FRMD4B: variants seen among roughly 807,000 people sequenced by gnomAD.
FRMD4B encodes the protein FERM domain containing 4B.
In FRMD4B, 74 loss-of-function variants were observed where a neutral mutation model predicts 141.5. That is an observed-to-expected ratio of 0.52 (90% CI 0.43 to 0.63). The LOEUF (loss-of-function observed/expected upper bound fraction) is 0.63. FRMD4B is among the 30% of genes least tolerant of loss of function. The pLI, the probability that FRMD4B is intolerant of heterozygous loss-of-function variation, is 0.00. For missense variants in FRMD4B, 1,366 were observed against 1,253.4 expected, an observed-to-expected ratio of 1.09 and a Z score of -1.36; for synonymous variants, 506 against 467.9, an observed-to-expected ratio of 1.08 and a Z score of -1.05.
intron 1 of FRMD4B, among the ~76,000 whole-genome samples, chr3:69,441,298 G>A (rs1705337514): frequency 6.6e-6 from 1 of 152,110 alleles, no homozygotes; most frequent in Non-Finnish European, 1.5e-5. Flanking sequence ...CAGTGAGAGT[G>A]GAGTGGTTTT....
intron 9 of FRMD4B, among the ~76,000 whole-genome samples, chr3:69,218,729 T>A (rs982916508): frequency 1.3e-5 from 2 of 152,220 alleles, no homozygotes; most frequent in African/African-American, 4.8e-5. Flanking sequence ...AACTTTTGGG[T>A]CATACTCATA....
chr3:69,295,650 C>A (rs1451775479), intron 4 of FRMD4B, among the ~76,000 whole-genome samples: 1 of 151,902 alleles, frequency 6.6e-6, no homozygotes, highest in Non-Finnish European at 1.5e-5. Flanking sequence ...TAAGTGGAGA[C>A]CAGGGATGCT....
intron 11 of FRMD4B, among the ~76,000 whole-genome samples, chr3:69,215,784 C>T (rs1052033497): frequency 6.6e-6 from 1 of 152,152 alleles, no homozygotes; most frequent in Admixed American, 6.5e-5. Context: ...CCATCCAATT[C>T]AAATATGTAT....
intron 11 of FRMD4B, among the ~76,000 whole-genome samples, chr3:69,199,684 T>C (rs1008132618): frequency 6.6e-6 from 1 of 152,182 alleles, no homozygotes. Context: ...TTTTTGAACA[T>C]AGCTAGCTCC....
chr3:69,180,961 A>C lies in FRMD4B; in HGVS notation c.2789T>G (p.Leu930Arg). ...AGGTACTTGCAGCCCCGCAAACCCC[A>C]GGCATCTCTGTGATCCCCTGTCTGA... is the stretch of plus-strand genomic sequence containing the variant. ...FDSDRGSQRC[L>R]GFAGLQVPCS... The change falls in exon 21 of 23, where the codon CTG becomes CGG. Residue 930 changes from leucine to arginine, a missense_variant. Leu to Arg is a moderately radical substitution (Grantham distance 102, BLOSUM62 -2). Transcript: ENST00000398540. 2 of 1,613,866 alleles carry C rather than the reference A, an allele frequency of 1.2e-6. No homozygotes were observed. Among genetic ancestry groups the C allele is most frequent in the Non-Finnish European group, 1.7e-6 (2 of 1,179,782 alleles).
intron 7 of FRMD4B, among the ~76,000 whole-genome samples, chr3:69,229,328 C>G (rs905384144): frequency 1.3e-5 from 2 of 151,992 alleles, no homozygotes; most frequent in East Asian, 1.9e-4. Context: ...GGCCAGCCCC[C>G]CAAAATTACA....
At chr3:69,477,664 T>C (rs1706026975) in intron 1 of FRMD4B, among the ~76,000 whole-genome samples, 2 of 152,074 alleles carry the variant, frequency 1.3e-5, no homozygotes, top group South Asian at 4.2e-4. Context: ...TCTAAAATTC[T>C]CTTTTTTGGT....
chr3:69,368,686 G>A (rs1165204877), intron 1 of FRMD4B, among the ~76,000 whole-genome samples: 1 of 152,186 alleles, frequency 6.6e-6, no homozygotes. Flanking sequence ...TAATGTGGGA[G>A]CTTCAGCACA....
chr3:69,502,506 T>G (rs368038180), intron 1 of FRMD4B, among the ~76,000 whole-genome samples: 7 of 152,172 alleles, frequency 4.6e-5, no homozygotes, highest in African/African-American at 9.6e-5. Context: ...TGGATCCCTT[T>G]CTTACACCTT....
At chr3:69,231,938 C>G (rs1559737997) in intron 7 of FRMD4B, among the ~76,000 whole-genome samples, 1 of 152,196 alleles carries the variant, frequency 6.6e-6, no homozygotes, top group East Asian at 1.9e-4. Flanking sequence ...GGGAATCTGT[C>G]TGGGAGCCTG....
chr3:69,519,144 G>A lies in FRMD4B; in HGVS notation c.-129+23062C>T, dbSNP rs116199423. On this transcript the variant is annotated intron_variant, in intron 1 of 5. Transcript: ENST00000459638. ...TTAACTTCAGCCCCTTTGAGTGGGT[G>A]TCTGGTTCTTAGAATCAAAAAGTAT... 1.4e-3 allele frequency among the ~76,000 whole-genome samples: 220 copies of A among 152,270 alleles called. 1 individual carries two copies. The highest frequency in any genetic ancestry group is 5.1e-3 in the African/African-American group (213 of 41,560).
At chr3:69,276,090 A>G (rs921804086) in intron 5 of FRMD4B, among the ~76,000 whole-genome samples, 6 of 152,194 alleles carry the variant, frequency 3.9e-5, no homozygotes, top group African/African-American at 1.4e-4. Context: ...ACAATATCCT[A>G]TCATATGAAT....
In FRMD4B at chr3:69,223,749, G is replaced by T. The variant is rs545094545; in HGVS notation, c.665+858C>A. ...TGCTACTCGGGAAGCTGAGGCACAA[G>T]AATCACTTGAACCAGGTTGCAGTGA... On this transcript the variant is annotated intron_variant, in intron 8 of 22. Coordinates refer to ENST00000398540, the MANE Select transcript of FRMD4B (RefSeq NM_015123.3). 2.0e-5 allele frequency among the ~76,000 whole-genome samples: 3 copies of T among 152,162 alleles called. No individual in the cohort carries two copies. In the South Asian group the frequency reaches 6.2e-4, roughly 32 times the overall value.
chr3:69,367,526 A>G (rs1703701685), intron 1 of FRMD4B, among the ~76,000 whole-genome samples: 1 of 29,072 alleles, frequency 3.4e-5, no homozygotes, highest in Non-Finnish European at 1.5e-4. Flanking sequence ...CAAAAAATAT[A>G]TCATTGACAA....
chr3:69,234,410 A>G (rs1208658700), intron 7 of FRMD4B, among the ~76,000 whole-genome samples: 1 of 152,198 alleles, frequency 6.6e-6, no homozygotes, highest in Non-Finnish European at 1.5e-5. Context: ...ACAAACACCA[A>G]TTTCCTCAAC....
At chr3:69,289,242 T>C (rs574514487) in intron 4 of FRMD4B, among the ~76,000 whole-genome samples, 1 of 152,218 alleles carries the variant, frequency 6.6e-6, no homozygotes, top group Non-Finnish European at 1.5e-5. Context: ...AATTATTTAG[T>C]TTCTTTGTGT....
chr3:69,397,626 T>C lies in FRMD4B; in HGVS notation c.-1+35008A>G, dbSNP rs150227455. On this transcript the variant is annotated intron_variant, in intron 2 of 5. Coordinates refer to the FRMD4B transcript ENST00000459638. ...GAAGCCAATCATAAAGGACCACATATAATATTGATCCCATTTATATGAAAT... is the reference window on the plus strand; with the variant it reads ...GAAGCCAATCATAAAGGACCACATACAATATTGATCCCATTTATATGAAAT... Among the ~76,000 whole-genome samples, 71 of 152,248 alleles carry C rather than the reference T, an allele frequency of 4.7e-4. No homozygotes were observed. In the East Asian group the frequency reaches 0.012, roughly 25 times the overall value.
At chr3:69,189,184 T>G (rs1362821514) in intron 18 of FRMD4B, among the ~76,000 whole-genome samples, 1 of 129,276 alleles carries the variant, frequency 7.7e-6, no homozygotes, top group Non-Finnish European at 1.5e-5. Context: ...ATCGCACCAG[T>G]GCACTCTAGC....
intron 4 of FRMD4B, among the ~76,000 whole-genome samples, chr3:69,295,518 C>T (rs545496683): frequency 2.7e-4 from 41 of 152,088 alleles, no homozygotes; most frequent in Non-Finnish European, 5.6e-4. Flanking sequence ...GACAGAGTTT[C>T]GCCATGATGC....
Sources: gnomAD v4.1 joint callset for allele counts (sites outside exome capture counted in the v4.1 genomes callset) on GRCh38, gnomAD v4.1.1 for gene constraint, MANE v1.5 for transcripts, NCBI Gene and HGNC (gene_info 2026-07-23, HGNC 2026-07-21) for gene names.